Variants in ABCC8 observed in about 807,000 individuals in gnomAD.
ABCC8 encodes ATP-binding cassette sub-family C member 8.
Under a neutral mutation model 188.0 loss-of-function variants are expected in ABCC8, and 137 were observed. The observed-to-expected ratio is 0.73, with a 90% CI of 0.63 to 0.84. The LOEUF is 0.84. ABCC8 is among the 40% of genes least tolerant of loss of function. The pLI is 0.00. For synonymous variants in ABCC8, 797 were observed against 846.5 expected, an observed-to-expected ratio of 0.94 and a Z score of 1.01; for missense variants, 1,750 against 2,072.7, an observed-to-expected ratio of 0.84 and a Z score of 3.02.
chr11:17,394,266 C>A lies in ABCC8; in HGVS notation c.4545G>T (p.Thr1515=), dbSNP rs372388771. ...DEATASIDMA[T]ENILQKVVMT... Reference sequence around the variant, plus strand: ...TCCCATGGAGGGGCCCAGGACCAACCGTGGCCATGTCAATGGAAGCCGTGG... The same window carrying A: ...TCCCATGGAGGGGCCCAGGACCAACAGTGGCCATGTCAATGGAAGCCGTGG... Residue 1515 remains threonine (T), a splice_region_variant and synonymous_variant, in exon 37 of 39, where the codon ACG becomes ACT. Transcript: ENST00000389817. The A allele has an allele frequency of 2.5e-6, 4 of 1,613,790 alleles. No homozygotes were observed. The highest frequency in any genetic ancestry group is 2.5e-6 in the Non-Finnish European group (3 of 1,179,980).
intron 6 of ABCC8, among the ~76,000 whole-genome samples, chr11:17,455,459 C>T (rs924851795): frequency 2.0e-5 from 3 of 152,198 alleles, no homozygotes; most frequent in African/African-American, 7.2e-5. Context: ...AAACCTTTGA[C>T]TTCCTCTCTC....
chr11:17,399,029 G>T (rs1291284351), intron 29 of ABCC8: 1 of 161,218 alleles, frequency 6.2e-6, no homozygotes, highest in African/African-American at 2.4e-5. Flanking sequence ...AGCACTTTGG[G>T]AGGCTGAGGC....
chr11:17,448,286 T>C (rs1029886724), intron 8 of ABCC8: 7 of 548,882 alleles, frequency 1.3e-5, no homozygotes, highest in African/African-American at 1.1e-4. Context: ...GCTCCATTTT[T>C]AAAGTCTTAA....
intron 6 of ABCC8, among the ~76,000 whole-genome samples, chr11:17,458,980 C>T (rs950522584): frequency 9.2e-5 from 14 of 152,126 alleles, no homozygotes; most frequent in Admixed American, 3.9e-4. Context: ...TCCTTGGAGC[C>T]AGAGGTGATG....
At chr11:17,405,454 G>A in intron 27 of ABCC8, 40 bp downstream of exon 27, 1 of 1,613,890 alleles carries the variant, frequency 6.2e-7, no homozygotes, top group Non-Finnish European at 8.5e-7. Flanking sequence ...GGTCCGAGGT[G>A]TCTCTGGAAG....
intron 38 of ABCC8, 32 bp downstream of exon 38, chr11:17,393,665 G>C (rs1337937008): frequency 1.2e-6 from 2 of 1,614,026 alleles, no homozygotes. Context: ...GTCCCTGGGT[G>C]TCCCTCTGCA....
Position 17,476,659 on chromosome 11 carries a change from G to A in ABCC8, c.118C>T (p.Leu40Phe). Residue 40 changes from leucine to phenylalanine, a missense_variant, in exon 1 of 39, where the codon CTC (leucine) becomes TTC (phenylalanine). By Grantham distance (22) the Leu-to-Phe change is conservative (BLOSUM62 0). Transcript: ENST00000389817. ...ALNVVPHVFL[L>F]FITFPILFIG... ...AAGAGGATGGGGAAGGTGATGAAGAGTAGGAAGACGTGCGGCACCACGTTG... is the reference window on the plus strand; with the variant it reads ...AAGAGGATGGGGAAGGTGATGAAGAATAGGAAGACGTGCGGCACCACGTTG... 1 of 1,612,360 alleles carries A rather than the reference G, an allele frequency of 6.2e-7. No homozygotes were observed. Among genetic ancestry groups the A allele is most frequent in the Non-Finnish European group, 8.5e-7 (1 of 1,179,372 alleles).
intron 16 of ABCC8, among the ~76,000 whole-genome samples, chr11:17,423,730 A>T (rs1179891741): frequency 6.6e-6 from 1 of 152,200 alleles, no homozygotes; most frequent in Non-Finnish European, 1.5e-5. Context: ...GTGAGGACCC[A>T]CGTGGCAGTT....
At chr11:17,438,440 C>T (rs1956190159) in intron 10 of ABCC8, among the ~76,000 whole-genome samples, 1 of 152,182 alleles carries the variant, frequency 6.6e-6, no homozygotes, top group Admixed American at 6.5e-5. Flanking sequence ...AGGGCCATGC[C>T]TGCTTCCTCT....
chr11:17,415,265 G>A, intron 18 of ABCC8, 39 bp downstream of exon 18: 1 of 1,595,224 alleles, frequency 6.3e-7, no homozygotes, highest in East Asian at 2.3e-5. Flanking sequence ...ACCCTGGAGG[G>A]AGTTGACCCT....
chr11:17,395,028 G>A lies in ABCC8; in HGVS notation c.4411+144C>T, dbSNP rs945996400. The A allele has an allele frequency of 1.0e-5, 11 of 1,075,684 alleles. No homozygotes were observed. In the East Asian group the frequency reaches 1.6e-4, roughly 15 times the overall value. 66.6% of individuals were successfully genotyped at this position (1,075,684 alleles called of 1,614,324 possible). A position where few individuals can be genotyped will look rare whatever the true frequency, so the allele number is the denominator to read the frequency against. On this transcript the variant is annotated intron_variant, in intron 36 of 38. Coordinates refer to ENST00000389817, the MANE Select transcript of ABCC8 (RefSeq NM_000352.6). The stretch of plus-strand genomic sequence containing the variant: ...AGACACCTGACCTCTCTGGGCCCCC[G>A]TATAGTGAGAAGTAGGACTAAATGG...
intron 10 of ABCC8, among the ~76,000 whole-genome samples, chr11:17,437,570 C>A (rs970234127): frequency 5.9e-5 from 9 of 152,208 alleles, no homozygotes; most frequent in Admixed American, 6.5e-5. Context: ...GGCTGTTTCC[C>A]ATTCAGTCCA....
chr11:17,427,094 G>A lies in ABCC8; in HGVS notation c.2177C>T (p.Ala726Val), dbSNP rs145747227. 1.1e-5 allele frequency: 17 copies of A among 1,613,848 alleles called. No individual in the cohort carries two copies. The highest frequency in any genetic ancestry group is 2.2e-5 in the East Asian group (1 of 44,872). The change falls in exon 16 of 39, where the codon GCA (alanine) becomes GTA (valine). Residue 726 changes from alanine (A) to valine (V), a missense_variant. Transcript: ENST00000389817. This position sits in a 1 kb window ranked among gnomAD's most constrained non-coding sequence, Gnocchi z 5.0. ...TGAGACCTTCTGCATCTCCCCCAGT[G>A]CGGCTAGAAGGAGCGAGGACTTGCC... ...GCGKSSLLLA[A>V]LGEMQKVSGA...
intron 38 of ABCC8, 116 bp from the exon 39 acceptor site, chr11:17,393,244 A>G (rs1252046405): frequency 7.0e-7 from 1 of 1,418,802 alleles, no homozygotes; most frequent in Non-Finnish European, 9.7e-7. Flanking sequence ...ATGTGGCCAG[A>G]ATGTCCTGTC....
chr11:17,436,068 C>A, intron 10 of ABCC8: 1 of 945,206 alleles, frequency 1.1e-6, no homozygotes, highest in Non-Finnish European at 1.7e-6. Context: ...AGAACTGCTC[C>A]ATCTCTTCTT....
chr11:17,460,586 A>G lies in ABCC8; in HGVS notation c.913T>C (p.Phe305Leu), dbSNP rs1957152129. 3.7e-6 allele frequency: 6 copies of G among 1,613,816 alleles called. No homozygotes were observed. Among genetic ancestry groups the G allele is most frequent in the Non-Finnish European group, 5.1e-6 (6 of 1,180,048 alleles). ...CCCAGCAGGTCGGCCAAGATGCGGA[A>G]AGTGCTGCTGAGGACCAGGCGCCTC... Reference protein sequence around the residue: ...FGRRLVLSSTFRILADLLGFA... With the variant: ...FGRRLVLSSTLRILADLLGFA... Residue 305 changes from phenylalanine to leucine, a missense_variant, in exon 6 of 39, where the codon TTC (phenylalanine) becomes CTC (leucine). By Grantham distance (22) the Phe-to-Leu change is conservative. Coordinates refer to ENST00000389817, the MANE Select transcript of ABCC8 (RefSeq NM_000352.6).
chr11:17,415,197 G>C, intron 18 of ABCC8, 107 bp downstream of exon 18: 1 of 1,481,458 alleles, frequency 6.8e-7, no homozygotes, highest in South Asian at 1.2e-5. Context: ...CCCCAACACT[G>C]GGGCTGGGGT....
At chr11:17,400,850 C>T (rs12422139) in intron 29 of ABCC8, among the ~76,000 whole-genome samples, 9,722 of 152,328 alleles carry the variant, frequency 0.064, 490 homozygotes, top group Admixed American at 0.16. Context: ...GCACATACAA[C>T]ACTTAGCACG....
intron 16 of ABCC8, among the ~76,000 whole-genome samples, chr11:17,422,274 C>T (rs987886859): frequency 1.3e-5 from 2 of 152,200 alleles, no homozygotes; most frequent in African/African-American, 4.8e-5. Flanking sequence ...TAGACTCCTT[C>T]TCCTAGCCAC....
Sources: gnomAD v4.1 joint callset for allele counts (sites outside exome capture counted in the v4.1 genomes callset) on GRCh38, gnomAD v4.1.1 for gene constraint, Gnocchi (gnomAD v3.1) non-coding constraint, MANE v1.5 for transcripts, NCBI Gene and HGNC (gene_info 2026-07-23, HGNC 2026-07-21) for gene names.